Variants in GPR158 observed in about 807,000 individuals in gnomAD.
The protein encoded by GPR158 is G protein-coupled receptor 158.
Under a neutral mutation model 78.2 loss-of-function variants are expected in GPR158, and 30 were observed. The observed-to-expected ratio is 0.38, with a 90% CI of 0.29 to 0.52. The LOEUF (loss-of-function observed/expected upper bound fraction) is 0.52. GPR158 is among the 20% of genes least tolerant of loss of function. The probability of loss-of-function intolerance (pLI) is 0.83; values close to 1 mark genes in which losing one functional copy is unlikely to be tolerated. For synonymous variants in GPR158, 581 were observed against 591.1 expected (o/e 0.98, Z 0.25); for missense variants, 1,463 against 1,523.5 (o/e 0.96, Z 0.66).
At chr10:25,357,461 G>A (rs112190799) in intron 2 of GPR158, among the ~76,000 whole-genome samples, 1,778 of 152,194 alleles carry the variant, frequency 0.012, 10 homozygotes, top group Non-Finnish European at 0.016. Flanking sequence ...GGTTCCATGG[G>A]CCAGGCCCAA....
intron 2 of GPR158, among the ~76,000 whole-genome samples, chr10:25,236,117 C>A (rs959496952): frequency 9.2e-5 from 14 of 152,130 alleles, no homozygotes; most frequent in Non-Finnish European, 1.8e-4. Flanking sequence ...TCCATGAGGG[C>A]AGAAACCAAA....
intron 8 of GPR158, among the ~76,000 whole-genome samples, chr10:25,591,196 T>C (rs949364010): frequency 1.3e-5 from 2 of 152,116 alleles, no homozygotes; most frequent in African/African-American, 4.8e-5. Context: ...TTTCAGAGTG[T>C]CACAATGCAA....
At chr10:25,301,704 T>G (rs1172652791) in intron 2 of GPR158, among the ~76,000 whole-genome samples, 1 of 146,548 alleles carries the variant, frequency 6.8e-6, no homozygotes, top group Non-Finnish European at 1.5e-5. Context: ...GACACAGATT[T>G]TTTTTTGAGA....
chr10:25,447,939 TTGG>T (rs1835159024), intron 4 of GPR158, among the ~76,000 whole-genome samples: 3 of 152,164 alleles, frequency 2.0e-5, no homozygotes, highest in Admixed American at 2.0e-4. Context: ...TATATGCCCC[TTGG>T]CAGTCAGTCC....
intron 1 of GPR158, among the ~76,000 whole-genome samples, chr10:25,183,541 C>G (rs1041733572): frequency 5.8e-4 from 88 of 152,182 alleles, no homozygotes; most frequent in African/African-American, 2.1e-3. Context: ...GTGGCAGCTT[C>G]TGTCTCTATT....
At chr10:25,529,633 A>T (rs1836397129) in intron 5 of GPR158, among the ~76,000 whole-genome samples, 1 of 152,220 alleles carries the variant, frequency 6.6e-6, no homozygotes, top group African/African-American at 2.4e-5. Context: ...TTACTAATAA[A>T]AAACAATGCC....
intron 2 of GPR158, among the ~76,000 whole-genome samples, chr10:25,376,404 G>C (rs1416645237): frequency 6.6e-6 from 1 of 151,456 alleles, no homozygotes; most frequent in African/African-American, 2.4e-5. Flanking sequence ...TGTATATACA[G>C]TTTTACAAAT....
intron 5 of GPR158, among the ~76,000 whole-genome samples, chr10:25,521,932 G>C (rs1000139355): frequency 2.6e-5 from 4 of 152,206 alleles, no homozygotes; most frequent in Non-Finnish European, 5.9e-5. Flanking sequence ...TCAGAGTTGA[G>C]GCACTGTGGG....
chr10:25,296,864 C>G (rs190482167), intron 2 of GPR158, among the ~76,000 whole-genome samples: 1 of 152,294 alleles, frequency 6.6e-6, no homozygotes, highest in Non-Finnish European at 1.5e-5. Context: ...TCCACTGCCT[C>G]TCTATAAATA....
chr10:25,577,537 G>A lies in GPR158; in HGVS notation c.1753+4650G>A, dbSNP rs558044332. Among the ~76,000 whole-genome samples, 11 of 152,298 alleles carry A rather than the reference G, an allele frequency of 7.2e-5. No homozygotes were observed. In the East Asian group the frequency reaches 1.9e-3, roughly 27 times the overall value. ...TTCAAAATAAATCATTTGAGAGAGT[G>A]AAATACTAGTTTTTCCACTGAAGTA... On this transcript the variant is annotated intron_variant, in intron 7 of 10. Transcript: ENST00000376351.
chr10:25,299,850 A>G (rs1183600559), intron 2 of GPR158, among the ~76,000 whole-genome samples: 3 of 152,018 alleles, frequency 2.0e-5, no homozygotes. Flanking sequence ...TTTTTGAGTC[A>G]GAATCTCATT....
At chr10:25,289,181 C>T (rs2130762426) in intron 2 of GPR158, among the ~76,000 whole-genome samples, 1 of 152,288 alleles carries the variant, frequency 6.6e-6, no homozygotes, top group African/African-American at 2.4e-5. Context: ...TGTTATAAGC[C>T]TGGCCCAGTG....
chr10:25,550,997 C>T lies in GPR158; in HGVS notation c.1426C>T (p.Pro476Ser). The change falls in exon 6 of 11, where the codon CCA becomes TCA. Residue 476 changes from proline to serine, a missense_variant. Physicochemically the swap from Pro to Ser is moderately conservative, Grantham distance 74 (BLOSUM62 -1). Coordinates refer to ENST00000376351, the MANE Select transcript of GPR158 (RefSeq NM_020752.3). ...YFPVVILYFEPSTFRCILLRW... is the reference protein window; with the variant it reads ...YFPVVILYFESSTFRCILLRW... Reference sequence around the variant, plus strand: ...ACAGGTTGTTATTTTGTACTTTGAGCCAAGCACATTTCGCTGTATTCTCCT... The same window carrying T: ...ACAGGTTGTTATTTTGTACTTTGAGTCAAGCACATTTCGCTGTATTCTCCT... 1 of 1,604,162 alleles carries T rather than the reference C, an allele frequency of 6.2e-7. No homozygotes were observed. Among genetic ancestry groups the T allele is most frequent in the Non-Finnish European group, 8.5e-7 (1 of 1,171,168 alleles).
intron 2 of GPR158, among the ~76,000 whole-genome samples, chr10:25,353,172 C>T (rs1208353462): frequency 6.6e-6 from 1 of 151,956 alleles, no homozygotes; most frequent in Non-Finnish European, 1.5e-5. Context: ...CTTTTGAGTA[C>T]TTTGTTCTCC....
At chr10:25,223,310 C>G (rs1853325949) in intron 2 of GPR158, among the ~76,000 whole-genome samples, 1 of 152,170 alleles carries the variant, frequency 6.6e-6, no homozygotes, top group Non-Finnish European at 1.5e-5. Context: ...TTCTCGCCCC[C>G]TTTCATTGCC....
chr10:25,581,375 T>A (rs182173429), intron 7 of GPR158, among the ~76,000 whole-genome samples: 206 of 152,354 alleles, frequency 1.4e-3, no homozygotes, highest in Non-Finnish European at 2.3e-3. Flanking sequence ...CATGTATTTT[T>A]AATTTTCAAT....
chr10:25,433,547 T>TTGTGTGTGTGTTGTG (rs1554803585), intron 4 of GPR158, among the ~76,000 whole-genome samples: 1 of 96,330 alleles, frequency 1.0e-5, no homozygotes, highest in Non-Finnish European at 2.8e-5. Flanking sequence ...TGTGTGTGTG[T>TTGTGTGTGTGTTGTG]TGTGTGTGTG....
chr10:25,513,131 T>A (rs1836106857), intron 5 of GPR158, among the ~76,000 whole-genome samples: 1 of 152,066 alleles, frequency 6.6e-6, no homozygotes, highest in Middle Eastern at 3.2e-3. Context: ...TCTTTGAATG[T>A]CTGATAGAAT....
At chr10:25,375,923 T>A (rs1834072404) in intron 2 of GPR158, among the ~76,000 whole-genome samples, 1 of 151,634 alleles carries the variant, frequency 6.6e-6, no homozygotes, top group Non-Finnish European at 1.5e-5. Flanking sequence ...ATACAAAATA[T>A]ATAGTGGGAT....
Sources: gnomAD v4.1 joint callset for allele counts (sites outside exome capture counted in the v4.1 genomes callset) on GRCh38, gnomAD v4.1.1 for gene constraint, MANE v1.5 for transcripts, NCBI Gene and HGNC (gene_info 2026-07-23, HGNC 2026-07-21) for gene names.